Variants in NRXN3 observed in about 807,000 individuals in gnomAD.
NRXN3 encodes neurexin III.
NRXN3 carries 32 observed loss-of-function variants against 137.6 expected under a neutral mutation model. The observed-to-expected ratio is 0.23, with a 90% CI of 0.18 to 0.31. The LOEUF (loss-of-function observed/expected upper bound fraction) is 0.31. Ranked by LOEUF, NRXN3 falls within the 10% of genes least tolerant of loss-of-function variation. The probability of loss-of-function intolerance (pLI) is 1.00; values close to 1 mark genes in which losing one functional copy is unlikely to be tolerated. For synonymous variants in NRXN3, 798 were observed against 784.5 expected (o/e 1.02, Z -0.29); for missense variants, 1,574 against 2,062.5 (o/e 0.76, Z 4.59).
intron 2 of NRXN3, among the ~76,000 whole-genome samples, chr14:78,270,674 A>G (rs1596577754): frequency 6.6e-6 from 1 of 152,230 alleles, no homozygotes; most frequent in Non-Finnish European, 1.5e-5. Context: ...AATAATTTCA[A>G]TAAGTTTCCT....
intron 2 of NRXN3, among the ~76,000 whole-genome samples, chr14:78,254,771 G>C (rs17827902): frequency 6.6e-6 from 1 of 151,980 alleles, no homozygotes; most frequent in African/African-American, 2.4e-5. Flanking sequence ...CATCATGGTA[G>C]CCAGAGTCAG....
intron 10 of NRXN3, among the ~76,000 whole-genome samples, chr14:78,813,945 T>A (rs1284297518): frequency 3.9e-5 from 6 of 152,210 alleles, no homozygotes; most frequent in Admixed American, 3.3e-4. Context: ...AAAAGCAATT[T>A]TCTAATCAGC....
intron 4 of NRXN3, among the ~76,000 whole-genome samples, chr14:78,360,439 G>A (rs973185708): frequency 3.3e-5 from 5 of 152,146 alleles, no homozygotes; most frequent in Non-Finnish European, 7.3e-5. Flanking sequence ...TGTTTGCTTT[G>A]TGTCTAAGTT....
intron 20 of NRXN3, among the ~76,000 whole-genome samples, chr14:79,840,916 A>ATAT (rs2099354510): frequency 6.6e-6 from 1 of 152,202 alleles, no homozygotes; most frequent in African/African-American, 2.4e-5. Context: ...TTCTAAGCAT[A>ATAT]TATCTTAACT....
intron 4 of NRXN3, among the ~76,000 whole-genome samples, chr14:78,511,513 T>C (rs1294856260): frequency 3.9e-5 from 6 of 152,182 alleles, no homozygotes; most frequent in Non-Finnish European, 8.8e-5. Context: ...ACCAGGCTGT[T>C]GAAGGCTCTG....
At chr14:79,604,534 C>CT (rs60892453) in intron 16 of NRXN3, among the ~76,000 whole-genome samples, 61,845 of 145,220 alleles carry the variant, frequency 0.43, 15,276 homozygotes, top group African/African-American at 0.7. Context: ...TGCTCCCGGA[C>CT]TTTTTTTTTT....
At chr14:78,841,037 C>T (rs2099010884) in intron 10 of NRXN3, among the ~76,000 whole-genome samples, 1 of 152,138 alleles carries the variant, frequency 6.6e-6, no homozygotes, top group South Asian at 2.1e-4. Flanking sequence ...CTTTAAGCAA[C>T]ATGCCTCAGG....
intron 15 of NRXN3, among the ~76,000 whole-genome samples, chr14:79,266,862 T>A (rs1031718562): frequency 1.6e-4 from 25 of 152,194 alleles, no homozygotes; most frequent in Non-Finnish European, 1.3e-4. Flanking sequence ...CATCAACTAA[T>A]TTAATGTAAC....
chr14:79,501,245 T>A (rs186685409), intron 16 of NRXN3, among the ~76,000 whole-genome samples: 1 of 152,274 alleles, frequency 6.6e-6, no homozygotes, highest in East Asian at 1.9e-4. Context: ...AAGCTTTGAT[T>A]AAGATGCTCC....
chr14:78,648,525 AT>A (rs1007033452), intron 5 of NRXN3, among the ~76,000 whole-genome samples: 13 of 152,178 alleles, frequency 8.5e-5, no homozygotes, highest in East Asian at 1.9e-4. Context: ...GAAGATTCTA[AT>A]TTTTTTTGAT....
chr14:79,841,872 G>A (rs1485858347), intron 20 of NRXN3, among the ~76,000 whole-genome samples: 1 of 152,194 alleles, frequency 6.6e-6, no homozygotes, highest in East Asian at 1.9e-4. Context: ...ATTTGCATTG[G>A]AACTGCTAAC....
At chr14:78,720,301 T>C (rs1388914992) in intron 8 of NRXN3, among the ~76,000 whole-genome samples, 1 of 152,212 alleles carries the variant, frequency 6.6e-6, no homozygotes, top group African/African-American at 2.4e-5. Flanking sequence ...ATCTGATAGA[T>C]TAACTTAAGC....
At chr14:78,745,654 T>C (rs1294969482) in intron 8 of NRXN3, among the ~76,000 whole-genome samples, 39 of 152,260 alleles carry the variant, frequency 2.6e-4, no homozygotes, top group Admixed American at 2.6e-3. Flanking sequence ...GCACAGTTTA[T>C]TTGTTTTATT....
intron 4 of NRXN3, among the ~76,000 whole-genome samples, chr14:78,527,231 G>A (rs1349375590): frequency 6.6e-6 from 1 of 152,188 alleles, no homozygotes; most frequent in Non-Finnish European, 1.5e-5. Flanking sequence ...TTGGCTCATG[G>A]TACTGCAGGC....
chr14:79,562,450 G>C (rs909692928), intron 16 of NRXN3, among the ~76,000 whole-genome samples: 1 of 152,036 alleles, frequency 6.6e-6, no homozygotes, highest in Non-Finnish European at 1.5e-5. Context: ...AATGGCATTT[G>C]GCACCATAAG....
In NRXN3 at chr14:79,648,261, C is replaced by G. The variant is rs986611502; in HGVS notation, c.3445-15517C>G. ...GTCAATCAACACTCAGCCTCTGCATCTGATGAGCAACAGAAATTAGCGGGG... is the reference window on the plus strand; with the variant it reads ...GTCAATCAACACTCAGCCTCTGCATGTGATGAGCAACAGAAATTAGCGGGG... On this transcript the variant is annotated intron_variant, in intron 16 of 20. Coordinates refer to ENST00000335750, the MANE Select transcript of NRXN3 (RefSeq NM_001330195.2). Among the ~76,000 whole-genome samples, 12 of 135,280 alleles carry G rather than the reference C, an allele frequency of 8.9e-5. 3 individuals are homozygous for G. The highest frequency in any genetic ancestry group is 2.1e-4 in the Non-Finnish European group (12 of 58,208). The allele number at this position is 135,280 out of a possible 152,430, so 88.7% of individuals were successfully genotyped here.
At chr14:79,671,953 A>G (rs561840636) in intron 17 of NRXN3, among the ~76,000 whole-genome samples, 1 of 152,128 alleles carries the variant, frequency 6.6e-6, no homozygotes, top group Non-Finnish European at 1.5e-5. Context: ...CCCCCAAAAC[A>G]TTAGGTTAAT....
At chr14:79,490,197 CA>C in intron 16 of NRXN3, among the ~76,000 whole-genome samples, 1 of 152,070 alleles carries the variant, frequency 6.6e-6, no homozygotes, top group South Asian at 2.1e-4. Flanking sequence ...AAAAGGGAAC[CA>C]CTGAACACTG....
chr14:78,604,037 G>A (rs1470117903), intron 4 of NRXN3, among the ~76,000 whole-genome samples: 1 of 152,190 alleles, frequency 6.6e-6, no homozygotes, highest in Non-Finnish European at 1.5e-5. Flanking sequence ...CACGACGGAA[G>A]ATGAAGGAAG....
Sources: allele counts gnomAD v4.1 joint callset (sites outside exome capture counted in the v4.1 genomes callset), GRCh38; gene constraint gnomAD v4.1.1; transcripts MANE v1.5; gene names NCBI Gene and HGNC (gene_info 2026-07-23, HGNC 2026-07-21).